The following MCU variants were observed in gnomAD, a reference collection of about 807,000 sequenced individuals.
The protein encoded by MCU is mitochondrial calcium uniporter, also known as calcium uniporter protein, mitochondrial.
A neutral mutation model predicts 45.2 loss-of-function variants in MCU; 12 were observed. That is an observed-to-expected ratio of 0.27 (90% CI 0.17 to 0.43). The LOEUF (loss-of-function observed/expected upper bound fraction) is 0.43. MCU is among the 20% of genes least tolerant of loss of function. The pLI, the probability that MCU is intolerant of heterozygous loss-of-function variation, is 1.00. For synonymous variants in MCU, 160 were observed against 165.1 expected, an observed-to-expected ratio of 0.97 and a Z score of 0.24; for missense variants, 324 against 436.7, an observed-to-expected ratio of 0.74 and a Z score of 2.30.
chr10:72,884,734 T>C (rs959945505), intron 7 of MCU, among the ~76,000 whole-genome samples: 1 of 152,088 alleles, frequency 6.6e-6, no homozygotes, highest in Admixed American at 6.6e-5. Flanking sequence ...ATAATTTATC[T>C]AAGATTTTTC....
At chr10:72,780,031 A>T (rs1364691731) in intron 1 of MCU, among the ~76,000 whole-genome samples, 1 of 152,236 alleles carries the variant, frequency 6.6e-6, no homozygotes, top group Non-Finnish European at 1.5e-5. Context: ...AATAACCCTA[A>T]TATCTGTCAT....
At chr10:72,882,388 T>G (rs1162490112) in intron 6 of MCU, among the ~76,000 whole-genome samples, 1 of 152,224 alleles carries the variant, frequency 6.6e-6, no homozygotes, top group East Asian at 1.9e-4. Context: ...CAGAGCCATA[T>G]TTCTCTTCTT....
intron 1 of MCU, among the ~76,000 whole-genome samples, chr10:72,798,048 T>A (rs1844278376): frequency 6.6e-6 from 1 of 152,166 alleles, no homozygotes; most frequent in South Asian, 2.1e-4. Flanking sequence ...TTCAATATAT[T>A]GAGGTTCAAA....
intron 1 of MCU, among the ~76,000 whole-genome samples, chr10:72,712,817 G>A (rs1039647171): frequency 6.6e-6 from 1 of 152,106 alleles, no homozygotes; most frequent in Admixed American, 6.5e-5. Flanking sequence ...ATTTCATGCT[G>A]TTGTCTTTCA....
At chr10:72,760,234 G>A (rs1843635717) in intron 1 of MCU, among the ~76,000 whole-genome samples, 1 of 151,870 alleles carries the variant, frequency 6.6e-6, no homozygotes, top group Admixed American at 6.6e-5. Context: ...TATTTTTGGT[G>A]GAGACAATGT....
At chr10:72,709,613 G>T in intron 1 of MCU, among the ~76,000 whole-genome samples, 1 of 152,114 alleles carries the variant, frequency 6.6e-6, no homozygotes, top group Admixed American at 6.6e-5. Flanking sequence ...GGGACCCCTA[G>T]GGTATACTTT....
chr10:72,764,792 A>G (rs891366796), intron 1 of MCU, among the ~76,000 whole-genome samples: 3 of 152,190 alleles, frequency 2.0e-5, no homozygotes, highest in African/African-American at 7.2e-5. Flanking sequence ...ACTTTTGGCT[A>G]TATTAAGAGA....
chr10:72,873,620 ATCTG>A (rs148494413), intron 6 of MCU, among the ~76,000 whole-genome samples: 3,062 of 152,232 alleles, frequency 0.02, 45 homozygotes, highest in Non-Finnish European at 0.033. Flanking sequence ...ATATAATCCC[ATCTG>A]TCTATTTTGA....
Position 72,885,310 on chromosome 10 carries a change from G to A in MCU, c.979-435G>A, listed in dbSNP as rs922704022. Among the ~76,000 whole-genome samples the A allele has an allele frequency of 9.8e-5, 15 of 152,304 alleles. No homozygotes were observed. The East Asian group carries it at 1.9e-3, about 20-fold the overall frequency. ...GAAAGTACTACAGTTGACTACACACGCTGTTCCAAAATTCACTGGCTAAGT... is the reference window on the plus strand; with the variant it reads ...GAAAGTACTACAGTTGACTACACACACTGTTCCAAAATTCACTGGCTAAGT... On this transcript the variant is annotated intron_variant, in intron 7 of 7. Transcript: ENST00000373053.
chr10:72,795,541 A>G (rs537151907), intron 1 of MCU, among the ~76,000 whole-genome samples: 78 of 152,324 alleles, frequency 5.1e-4, no homozygotes, highest in African/African-American at 1.8e-3. Flanking sequence ...AGTGTATAAC[A>G]TGATATAATT....
chr10:72,726,256 C>CGTGTGT (rs60826955), intron 1 of MCU, among the ~76,000 whole-genome samples: 2,724 of 145,598 alleles, frequency 0.019, 68 homozygotes, highest in East Asian at 0.15. Flanking sequence ...CACACACACA[C>CGTGTGT]GTGTGTGTGT....
intron 1 of MCU, among the ~76,000 whole-genome samples, chr10:72,810,209 G>A (rs943519469): frequency 6.6e-6 from 1 of 152,094 alleles, no homozygotes; most frequent in African/African-American, 2.4e-5. Context: ...CTGTGTTAGA[G>A]TGAAAGAAGA....
At chr10:72,786,520 A>C (rs557445133) in intron 1 of MCU, among the ~76,000 whole-genome samples, 1 of 152,214 alleles carries the variant, frequency 6.6e-6, no homozygotes, top group East Asian at 1.9e-4. Flanking sequence ...TGAGGCGGGC[A>C]GATCACGTGG....
rs184853686 is a variant in MCU at position 72,774,009 on chromosome 10, A to C, written c.151-60350A>C. Among the ~76,000 whole-genome samples, 682 of 152,358 alleles carry C rather than the reference A, an allele frequency of 4.5e-3. 5 individuals carry two copies. Among genetic ancestry groups the C allele is most frequent in the African/African-American group, 0.016 (649 of 41,586 alleles). ...AATCTGAAAGAAAACATAAACCAAC[A>C]AACCACTAACGTGCTAAAGGAAAAC... On this transcript the variant is annotated intron_variant, in intron 1 of 7. Coordinates refer to ENST00000373053, the MANE Select transcript of MCU (RefSeq NM_138357.3).
chr10:72,835,377 A>G (rs1165531838), intron 2 of MCU, among the ~76,000 whole-genome samples: 1 of 152,188 alleles, frequency 6.6e-6, no homozygotes, highest in Non-Finnish European at 1.5e-5. Context: ...TGACTGTTAG[A>G]TATGTTTCCT....
At chr10:72,862,918 GA>G (rs1225961949) in intron 4 of MCU, among the ~76,000 whole-genome samples, 83 of 133,202 alleles carry the variant, frequency 6.2e-4, no homozygotes, top group African/African-American at 9.0e-4. Context: ...TAAAAAAAAA[GA>G]AAAAAAAAAA....
intron 1 of MCU, among the ~76,000 whole-genome samples, chr10:72,798,457 A>T (rs558624308): frequency 1.3e-5 from 2 of 152,094 alleles, no homozygotes; most frequent in East Asian, 1.9e-4. Context: ...ATGCCCGGCT[A>T]ATTTTTGTAT....
intron 5 of MCU, among the ~76,000 whole-genome samples, chr10:72,870,792 G>GA (rs1845530774): frequency 6.6e-6 from 1 of 152,210 alleles, no homozygotes; most frequent in African/African-American, 2.4e-5. Flanking sequence ...TTTCAGAGAA[G>GA]ATAATCTTGT....
chr10:72,879,244 T>C (rs892293846), intron 6 of MCU, among the ~76,000 whole-genome samples: 10 of 151,912 alleles, frequency 6.6e-5, no homozygotes, highest in Admixed American at 1.3e-4. Flanking sequence ...GCCTGGGTAA[T>C]AGAGCAAGAC....
Sources: allele counts gnomAD v4.1 joint callset (sites outside exome capture counted in the v4.1 genomes callset), GRCh38; gene constraint gnomAD v4.1.1; transcripts MANE v1.5; gene names NCBI Gene and HGNC (gene_info 2026-07-23, HGNC 2026-07-21).